SULF1: variants seen among roughly 807,000 people sequenced by gnomAD.
SULF1 encodes the protein sulfatase 1, also known as extracellular sulfatase Sulf-1.
In SULF1, 46 loss-of-function variants were observed where a neutral mutation model predicts 110.5. The ratio of observed to expected loss-of-function variants is 0.42; its 90% CI spans 0.33 to 0.53. The LOEUF is 0.53. Among genes scored for constraint, SULF1 ranks in the 20% least tolerant of loss-of-function variants. The pLI is 0.12. For synonymous variants in SULF1, 371 were observed against 387.1 expected, an observed-to-expected ratio of 0.96 and a Z score of 0.49; for missense variants, 941 against 1,094.2, an observed-to-expected ratio of 0.86 and a Z score of 1.98.
At chr8:69,575,358 G>C (rs527658608) in intron 5 of SULF1, among the ~76,000 whole-genome samples, 1 of 152,084 alleles carries the variant, frequency 6.6e-6, no homozygotes. Context: ...TGCATAAATA[G>C]GTCAAAATAT....
chr8:69,544,225 AACTGAG>A (rs1460633685), intron 3 of SULF1, among the ~76,000 whole-genome samples: 5 of 152,168 alleles, frequency 3.3e-5, no homozygotes, highest in Admixed American at 3.3e-4. Context: ...TTTGAGGTAT[AACTGAG>A]ACATTTATAC....
intron 12 of SULF1, 125 bp from the exon 13 acceptor site, chr8:69,604,678 A>T: frequency 2.4e-6 from 3 of 1,250,616 alleles, no homozygotes; most frequent in Non-Finnish European, 2.3e-6. Flanking sequence ...GAGCTTTAAC[A>T]TCTATTTCTT....
chr8:69,488,077 A>C (rs1809775941), upstream of SULF1, among the ~76,000 whole-genome samples: 1 of 152,230 alleles, frequency 6.6e-6, no homozygotes, highest in Non-Finnish European at 1.5e-5. Flanking sequence ...AGGAGAAAAG[A>C]AGATTAATTT....
chr8:69,616,217 T>C (rs1367425248), intron 13 of SULF1, among the ~76,000 whole-genome samples: 3 of 145,768 alleles, frequency 2.1e-5, no homozygotes, highest in African/African-American at 5.2e-5. Context: ...TGTGTATATA[T>C]ATATATATAT....
intron 22 of SULF1, among the ~76,000 whole-genome samples, 193 bp from the exon 23 acceptor site, chr8:69,658,312 T>C (rs188698173): frequency 2.0e-5 from 3 of 152,310 alleles, no homozygotes; most frequent in Admixed American, 2.0e-4. Flanking sequence ...GTGATCTTTT[T>C]TTTCCCCAAT....
intron 2 of SULF1, among the ~76,000 whole-genome samples, chr8:69,497,227 A>G (rs1483074560): frequency 7.0e-6 from 1 of 142,734 alleles, no homozygotes; most frequent in Non-Finnish European, 1.5e-5. Context: ...GTACAATCTC[A>G]GCTCATTGCA....
At chr8:69,559,499 T>C (rs193232389) in intron 3 of SULF1, among the ~76,000 whole-genome samples, 131 of 152,356 alleles carry the variant, frequency 8.6e-4, no homozygotes, top group African/African-American at 3.0e-3. Context: ...ATACAAGTTT[T>C]CCAGAATTCT....
At chr8:69,522,632 C>T (rs62512994) in intron 3 of SULF1, among the ~76,000 whole-genome samples, 4,752 of 152,132 alleles carry the variant, frequency 0.031, 105 homozygotes, top group Middle Eastern at 0.085. Context: ...GTCTAACCGC[C>T]GAAATACTCC....
At chr8:69,521,275 A>T (rs1259186151) in intron 3 of SULF1, among the ~76,000 whole-genome samples, 1 of 152,192 alleles carries the variant, frequency 6.6e-6, no homozygotes, top group Non-Finnish European at 1.5e-5. Flanking sequence ...CATGGGATAC[A>T]TTACTGCACA....
rs1810366067 is a variant in SULF1, at chr8:69,629,657, G to T, written c.2262G>T (p.Trp754Cys). ...GCTTCACGCATGACAACAACCACTGGCAGACAGCCCCGTTCTGGAACCGTA... is the reference window on the plus strand; with the variant it reads ...GCTTCACGCATGACAACAACCACTGTCAGACAGCCCCGTTCTGGAACCGTA... ...LTCFTHDNNHWQTAPFWNLGS... is the reference protein window; with the variant it reads ...LTCFTHDNNHCQTAPFWNLGS... The change falls in exon 19 of 23, where the codon TGG (tryptophan) becomes TGT (cysteine). Residue 754 changes from tryptophan (W) to cysteine (C), a missense_variant. Trp to Cys is a radical substitution (Grantham distance 215). Coordinates refer to ENST00000402687, the MANE Select transcript of SULF1 (RefSeq NM_001128205.2). 6.2e-7 allele frequency: 1 copy of T among 1,610,678 alleles called. No homozygotes were observed. Among genetic ancestry groups the T allele is most frequent in the Admixed American group, 1.7e-5 (1 of 59,554 alleles).
chr8:69,563,895 C>T (rs1158248314), intron 4 of SULF1, 21 bp from the exon 5 acceptor site: 6 of 1,459,844 alleles, frequency 4.1e-6, no homozygotes, highest in Admixed American at 3.6e-5. Flanking sequence ...TCACCGTCTC[C>T]GTTTTTCTCT....
chr8:69,536,860 C>G (rs567458501), intron 3 of SULF1, among the ~76,000 whole-genome samples: 8 of 152,194 alleles, frequency 5.3e-5, no homozygotes, highest in African/African-American at 1.9e-4. Flanking sequence ...AAGCCATGTT[C>G]CTGCTCTTTA....
At chr8:69,619,834 G>A (rs907482097) in intron 13 of SULF1, among the ~76,000 whole-genome samples, 5 of 152,222 alleles carry the variant, frequency 3.3e-5, no homozygotes, top group Non-Finnish European at 7.3e-5. Flanking sequence ...TTGGGCTCCA[G>A]CCCTGCGGTA....
At chr8:69,628,297 G>C in intron 18 of SULF1, 61 bp downstream of exon 18, 1 of 1,438,908 alleles carries the variant, frequency 6.9e-7, no homozygotes, top group Non-Finnish European at 9.8e-7. Context: ...CTGGCCCTTC[G>C]AAGAGGCTGG....
chr8:69,491,466 A>G (rs981711999), upstream of SULF1, among the ~76,000 whole-genome samples: 3 of 152,246 alleles, frequency 2.0e-5, no homozygotes, highest in Non-Finnish European at 4.4e-5. Context: ...AGTTGCACTT[A>G]CAGGTCCTCT....
chr8:69,499,351 T>C (rs1256983601), intron 2 of SULF1, among the ~76,000 whole-genome samples: 1 of 152,238 alleles, frequency 6.6e-6, no homozygotes, highest in African/African-American at 2.4e-5. Context: ...ATATTAATCC[T>C]CTTTGCCAGA....
chr8:69,628,287 C>T (rs753150942), intron 18 of SULF1, 51 bp downstream of exon 18: 2 of 1,523,022 alleles, frequency 1.3e-6, no homozygotes, highest in African/African-American at 1.4e-5. Flanking sequence ...GACTGTCCAC[C>T]TGGCCCTTCG....
At chr8:69,474,121 A>G (rs1246429575) in intron 1 of SULF1, among the ~76,000 whole-genome samples, 2 of 152,182 alleles carry the variant, frequency 1.3e-5, no homozygotes, top group Non-Finnish European at 2.9e-5. Flanking sequence ...TTTATTGTCC[A>G]GTTTTTTTGG....
intron 1 of SULF1, among the ~76,000 whole-genome samples, chr8:69,495,459 C>T (rs1195265754): frequency 6.6e-6 from 1 of 152,068 alleles, no homozygotes; most frequent in African/African-American, 2.4e-5. Context: ...ACTGAGCTCT[C>T]CCTACTATGT....
Sources: gnomAD v4.1 joint callset for allele counts (sites outside exome capture counted in the v4.1 genomes callset) on GRCh38, gnomAD v4.1.1 for gene constraint, MANE v1.5 for transcripts, NCBI Gene and HGNC (gene_info 2026-07-23, HGNC 2026-07-21) for gene names.